The following MCC variants were observed in gnomAD, a reference collection of about 807,000 sequenced individuals.
The protein encoded by MCC is MCC regulator of Wnt signaling pathway.
A neutral mutation model predicts 116.2 loss-of-function variants in MCC; 90 were observed. The observed-to-expected ratio is 0.77, with a 90% CI of 0.65 to 0.92. The LOEUF is 0.92. Ranked by LOEUF, MCC falls within the 40% of genes least tolerant of loss-of-function variation. The pLI is 0.00. For synonymous variants in MCC, 578 were observed against 510.5 expected (o/e 1.13, Z -1.78); for missense variants, 1,516 against 1,312.2 (o/e 1.16, Z -2.40).
chr5:113,161,618 TTATGTGTGTGTGTGTGTG>T (rs1760488625), intron 3 of MCC, among the ~76,000 whole-genome samples: 2 of 115,354 alleles, frequency 1.7e-5, no homozygotes, highest in South Asian at 3.2e-4. Context: ...AGGTTTAGAT[TTATGTGTGTGTGTGTGTG>T]TGTGTGTGTG....
chr5:113,419,699 T>C (rs1770266377), intron 1 of MCC, among the ~76,000 whole-genome samples: 2 of 151,386 alleles, frequency 1.3e-5, no homozygotes, highest in Admixed American at 6.6e-5. Flanking sequence ...CCATAAAAAA[T>C]GATGAGTTCA....
chr5:113,240,895 G>T (rs1040041351), intron 3 of MCC, among the ~76,000 whole-genome samples: 1 of 152,180 alleles, frequency 6.6e-6, no homozygotes, highest in Non-Finnish European at 1.5e-5. Context: ...TACTAGGCGA[G>T]GAAGTTATTT....
chr5:113,458,490 G>A (rs1384302299), intron 1 of MCC, among the ~76,000 whole-genome samples: 7 of 152,158 alleles, frequency 4.6e-5, no homozygotes, highest in Admixed American at 4.6e-4. Flanking sequence ...CACTCACCGC[G>A]AGGGTCCATG....
chr5:113,224,075 T>C (rs1029499939), intron 3 of MCC, among the ~76,000 whole-genome samples: 1 of 152,012 alleles, frequency 6.6e-6, no homozygotes, highest in Non-Finnish European at 1.5e-5. Context: ...GGAGTAGGTA[T>C]TGTTATATAG....
At chr5:113,388,626 T>C (rs1769330117) in intron 1 of MCC, among the ~76,000 whole-genome samples, 1 of 152,196 alleles carries the variant, frequency 6.6e-6, no homozygotes, top group Non-Finnish European at 1.5e-5. Context: ...GGTTCCCCTT[T>C]GCCTTCCGCC....
chr5:113,143,419 A>G, intron 4 of MCC, 59 bp from the exon 5 acceptor site: 1 of 1,590,872 alleles, frequency 6.3e-7, no homozygotes, highest in Non-Finnish European at 8.6e-7. Context: ...CAGGTGGATG[A>G]TTCCAAGCTT....
chr5:113,027,049 G>C lies in MCC; in HGVS notation c.*253C>G. The C allele has an allele frequency of 2.2e-6, 1 of 454,582 alleles. No homozygotes were observed. The highest frequency in any genetic ancestry group is 3.6e-5 in the East Asian group (1 of 28,020). 28.2% of individuals were successfully genotyped at this position (454,582 alleles called of 1,614,324 possible). On this transcript the variant is annotated 3_prime_UTR_variant, in exon 19 of 19. Coordinates refer to ENST00000408903, the MANE Select transcript of MCC (RefSeq NM_001085377.2). ...GAAAGCAGAAACGAGGCTCTGCTGAGCAGGCACAGAACATGTGTTTACACG... is the reference window on the plus strand; with the variant it reads ...GAAAGCAGAAACGAGGCTCTGCTGACCAGGCACAGAACATGTGTTTACACG...
intron 1 of MCC, among the ~76,000 whole-genome samples, chr5:113,450,200 C>T (rs1771349877): frequency 6.6e-6 from 1 of 151,728 alleles, no homozygotes; most frequent in African/African-American, 2.4e-5. Context: ...AAATAAGAAA[C>T]TGAGTTGGAG....
rs1326683444 is a variant in MCC, at chr5:113,084,337, CA to C, written c.1546-148del. The C allele has an allele frequency of 6.2e-6, 4 of 646,320 alleles. No individual in the cohort carries two copies. In the African/African-American group the frequency reaches 7.3e-5, roughly 12 times the overall value. 40.0% of individuals were successfully genotyped at this position (646,320 alleles called of 1,614,324 possible). A position where few individuals can be genotyped will look rare whatever the true frequency, so the allele number is the denominator to read the frequency against. On this transcript the variant is annotated intron_variant, in intron 9 of 18. Coordinates refer to ENST00000408903, the MANE Select transcript of MCC (RefSeq NM_001085377.2). ...AACAGCTCACGTCCAATTTTTCTAC[CA>C]CCAGCTTAAGCCAGGGCCTTTCAAC... is the stretch of plus-strand genomic sequence containing the variant.
chr5:113,474,939 T>C (rs1431452935), intron 1 of MCC, among the ~76,000 whole-genome samples: 3 of 152,188 alleles, frequency 2.0e-5, no homozygotes, highest in African/African-American at 4.8e-5. Flanking sequence ...CAACCTCTAA[T>C]GTAGAATATT....
intron 1 of MCC, among the ~76,000 whole-genome samples, chr5:113,396,738 T>G (rs916454175): frequency 2.0e-5 from 3 of 152,198 alleles, no homozygotes; most frequent in Non-Finnish European, 4.4e-5. Context: ...TCCCCAAGGA[T>G]GGAGAATTTT....
intron 18 of MCC, among the ~76,000 whole-genome samples, chr5:113,027,849 T>C (rs1384449703): frequency 3.3e-5 from 5 of 152,322 alleles, no homozygotes; most frequent in African/African-American, 4.8e-5. Flanking sequence ...CATAGTCAAG[T>C]GTATCTTACA....
At chr5:113,129,051 G>A (rs1758267496) in intron 5 of MCC, among the ~76,000 whole-genome samples, 1 of 152,178 alleles carries the variant, frequency 6.6e-6, no homozygotes, top group African/African-American at 2.4e-5. Flanking sequence ...ACTCTGGGAT[G>A]TTTTCTCTCT....
chr5:113,281,641 G>C (rs545315672), intron 3 of MCC, among the ~76,000 whole-genome samples: 1 of 152,260 alleles, frequency 6.6e-6, no homozygotes, highest in East Asian at 1.9e-4. Context: ...TTCTGGCTCT[G>C]TGAATCCAGA....
chr5:113,027,712 C>T (rs1426522604), intron 18 of MCC, among the ~76,000 whole-genome samples: 1 of 151,736 alleles, frequency 6.6e-6, no homozygotes, highest in East Asian at 1.9e-4. Flanking sequence ...AGCCGGATTG[C>T]TAGAGGCTGG....
At chr5:113,079,356 C>A (rs569072295) in intron 11 of MCC, among the ~76,000 whole-genome samples, 108 of 152,306 alleles carry the variant, frequency 7.1e-4, no homozygotes, top group Middle Eastern at 3.4e-3. Flanking sequence ...CTAAGACAAT[C>A]CTAAGCCAAA....
chr5:113,260,727 T>G (rs2150348323), intron 3 of MCC, among the ~76,000 whole-genome samples: 1 of 151,374 alleles, frequency 6.6e-6, no homozygotes, highest in Middle Eastern at 3.4e-3. Flanking sequence ...CTTTTTTTTT[T>G]GAAATGCCTA....
intron 3 of MCC, among the ~76,000 whole-genome samples, chr5:113,335,154 G>C (rs1767841919): frequency 6.6e-6 from 1 of 151,604 alleles, no homozygotes; most frequent in Non-Finnish European, 1.5e-5. Flanking sequence ...AATTTGGCAA[G>C]TACCATAATG....
At chr5:113,193,946 A>G (rs1762263355) in intron 3 of MCC, among the ~76,000 whole-genome samples, 1 of 152,092 alleles carries the variant, frequency 6.6e-6, no homozygotes, top group Non-Finnish European at 1.5e-5. Flanking sequence ...TTTGTGACCT[A>G]TTCCTGTTTT....
Sources: gnomAD v4.1 joint callset for allele counts (sites outside exome capture counted in the v4.1 genomes callset) on GRCh38, gnomAD v4.1.1 for gene constraint, MANE v1.5 for transcripts, NCBI Gene and HGNC (gene_info 2026-07-23, HGNC 2026-07-21) for gene names.